ITGA5: variants seen among roughly 807,000 people sequenced by gnomAD.
ITGA5 encodes the protein integrin subunit alpha 5, also known as integrin alpha-5.
ITGA5 carries 55 observed loss-of-function variants against 146.3 expected under a neutral mutation model. The ratio of observed to expected loss-of-function variants is 0.38; its 90% CI spans 0.30 to 0.47. The LOEUF (loss-of-function observed/expected upper bound fraction) is 0.47. Ranked by LOEUF, ITGA5 falls within the 20% of genes least tolerant of loss-of-function variation. The probability of loss-of-function intolerance (pLI) is 0.99; values close to 1 mark genes in which losing one functional copy is unlikely to be tolerated. For missense variants in ITGA5, 1,131 were observed against 1,329.0 expected, an observed-to-expected ratio of 0.85 and a Z score of 2.32; for synonymous variants, 500 against 531.8, an observed-to-expected ratio of 0.94 and a Z score of 0.82.
rs1030261231 is a variant in ITGA5 at position 54,407,857 on chromosome 12, A to G, written c.837T>C (p.Gly279=). The G allele has an allele frequency of 8.2e-6, 13 of 1,590,626 alleles. No homozygotes were observed. The highest frequency in any genetic ancestry group is 1.1e-5 in the Non-Finnish European group (13 of 1,167,290). ...CTTCTGTGTCATCACCACTGAATTC[A>G]CCAACAGCCACAGAGTATCCTGGGG... ...DSYLGYSVAV[G]EFSGDDTEDF... The change falls in exon 8 of 30, where the codon GGT becomes GGC. Residue 279 remains glycine (G), a synonymous_variant. Coordinates refer to ENST00000293379, the MANE Select transcript of ITGA5 (RefSeq NM_002205.5).
chr12:54,418,281 G>A (rs1317185746), intron 1 of ITGA5, among the ~76,000 whole-genome samples: 2 of 151,372 alleles, frequency 1.3e-5, no homozygotes, highest in African/African-American at 4.9e-5. Flanking sequence ...CCAGCCCCAG[G>A]GCCCCAGTGC....
In ITGA5 at chr12:54,400,960, A is replaced by G. The variant is rs1955777793; in HGVS notation, c.2529T>C (p.Gly843=). The change falls in exon 25 of 30, where the codon GGT becomes GGC. Residue 843 remains glycine, a synonymous_variant. Coordinates refer to ENST00000293379, the MANE Select transcript of ITGA5 (RefSeq NM_002205.5). ...CCTGGGGACAGCTGAGTTCCAGCAC[A>G]CCCTGGCTAATGGAGCTGGGGCCTT... The part of the protein sequence containing the change: ...INQGPSSISQ[G]VLELSCPQAL... The G allele has an allele frequency of 6.2e-7, 1 of 1,613,806 alleles. No homozygotes were observed. The highest frequency in any genetic ancestry group is 8.5e-7 in the Non-Finnish European group (1 of 1,179,890).
At chr12:54,408,257 A>T in intron 6 of ITGA5, 22 bp from the exon 7 acceptor site, 1 of 1,612,764 alleles carries the variant, frequency 6.2e-7, no homozygotes, top group Non-Finnish European at 8.5e-7. Flanking sequence ...ATGAAGAGGG[A>T]GTAGATGGAG....
chr12:54,419,159 G>A lies in ITGA5; in HGVS notation c.40C>T (p.Gln14Ter). 1 of 1,584,748 alleles carries A rather than the reference G, an allele frequency of 6.3e-7. No individual in the cohort carries two copies. The highest frequency in any genetic ancestry group is 8.6e-7 in the Non-Finnish European group (1 of 1,166,864). ...CGGCGCCGGGGGCCCCAGCGCAGCT[G>A]CACGGCGTGGAGAGGGGACTCTGGC... The part of the protein sequence containing the change: ...RTPESPLHAV[Q>*]LRWGPRRRPP... The change falls in exon 1 of 30, where the codon CAG becomes TAG. Residue 14 changes from glutamine to a stop codon, truncating the protein, a stop_gained. Coordinates refer to ENST00000293379, the MANE Select transcript of ITGA5 (RefSeq NM_002205.5). LOFTEE classifies it high-confidence loss of function.
intron 19 of ITGA5, among the ~76,000 whole-genome samples, chr12:54,402,598 C>T (rs375108406): frequency 2.6e-5 from 4 of 151,754 alleles, no homozygotes; most frequent in East Asian, 3.9e-4. Flanking sequence ...CTACTTGGGA[C>T]GCTGAGGCAG....
At chr12:54,397,590 C>T (rs1291587019) in intron 28 of ITGA5, 103 bp from the exon 29 acceptor site, 2 of 1,393,030 alleles carry the variant, frequency 1.4e-6, no homozygotes, top group Non-Finnish European at 2.0e-6. Flanking sequence ...GTGGGCTCCC[C>T]TTTCTCTGGG....
rs1293630639 is a variant in ITGA5, at chr12:54,403,694, G to T, written c.1707C>A (p.Thr569=). The T allele has an allele frequency of 3.1e-6, 5 of 1,614,142 alleles. No individual in the cohort carries two copies. Among genetic ancestry groups the T allele is most frequent in the East Asian group, 2.2e-5 (1 of 44,884 alleles). The part of the protein sequence containing the change: ...RALFLASRQA[T]LTQTLLIQNG... Reference sequence around the variant, plus strand: ...TCTGGATGAGCAGGGTCTGGGTCAGGGTTGCCTGCCTGGAGGCCAGGAACA... The same window carrying T: ...TCTGGATGAGCAGGGTCTGGGTCAGTGTTGCCTGCCTGGAGGCCAGGAACA... The change falls in exon 17 of 30, where the codon ACC becomes ACA. Residue 569 remains threonine, a synonymous_variant. Transcript: ENST00000293379. This position sits in a 1 kb window ranked among gnomAD's most constrained non-coding sequence, Gnocchi z 4.9.
Position 54,419,259 on chromosome 12 carries a change from A to G in ITGA5, c.-61T>C, listed in dbSNP as rs1956049707. The G allele has an allele frequency of 1.3e-6, 2 of 1,519,768 alleles. No homozygotes were observed. Among genetic ancestry groups the G allele is most frequent in the Non-Finnish European group, 1.8e-6 (2 of 1,125,234 alleles). The allele number at this position is 1,519,768 out of a possible 1,614,324, so 94.1% of individuals were successfully genotyped here. On this transcript the variant is annotated 5_prime_UTR_variant, in exon 1 of 30. Coordinates refer to ENST00000293379, the MANE Select transcript of ITGA5 (RefSeq NM_002205.5). ...CGGAGCCGCTTCCTAAACCTCCCAG[A>G]GGCGAATGACTCAACGCGGGGAGGA... is the stretch of plus-strand genomic sequence containing the variant.
In ITGA5 at chr12:54,402,319, T is replaced by G. The variant is rs779007757; in HGVS notation, c.1994A>C (p.His665Pro). 1 of 1,613,362 alleles carries G rather than the reference T, an allele frequency of 6.2e-7. No individual in the cohort carries two copies. Among genetic ancestry groups the G allele is most frequent in the Admixed American group, 1.7e-5 (1 of 59,968 alleles). The change falls in exon 20 of 30, where the codon CAT becomes CCT. Residue 665 changes from histidine to proline, a missense_variant. Transcript: ENST00000293379. Reference protein sequence around the residue: ...LQLEVFGEQNHVYLGDKNALN... With the variant: ...LQLEVFGEQNPVYLGDKNALN... ...GGCATTCTTGTCACCCAGGTACACA[T>G]GGTTCTGCTCCCTGGAAGGGACACA...
Position 54,398,687 on chromosome 12 carries a change from C to T in ITGA5, c.2853G>A (p.Gln951=), listed in dbSNP as rs150955083. The T allele has an allele frequency of 6.2e-7, 1 of 1,602,096 alleles. No individual in the cohort carries two copies. Among genetic ancestry groups the T allele is most frequent in the African/African-American group, 1.3e-5 (1 of 74,164 alleles). The change falls in exon 28 of 30, where the codon CAG becomes CAA. Residue 951 remains glutamine (Q), a synonymous_variant. Coordinates refer to ENST00000293379, the MANE Select transcript of ITGA5 (RefSeq NM_002205.5). ...CAGCCTCACACTGCAGGCTAAATGG[C>T]TGGTGCTCCCGCTGTGGGTAGGGGA... is the stretch of plus-strand genomic sequence containing the variant. ...WAKTFLQREH[Q]PFSLQCEAVY... is the part of the protein sequence containing the mutation.
rs776290859 is a variant in ITGA5, at chr12:54,419,240, C to A, written c.-42G>T. ...TGTCCTGGGGCCACCGACCCGGAGC[C>A]GCTTCCTAAACCTCCCAGAGGCGAA... On this transcript the variant is annotated 5_prime_UTR_variant, in exon 1 of 30. Transcript: ENST00000293379. 5.2e-6 allele frequency: 8 copies of A among 1,545,190 alleles called. No homozygotes were observed. The highest frequency in any genetic ancestry group is 7.0e-6 in the Non-Finnish European group (8 of 1,145,564).
chr12:54,404,983 T>G, intron 12 of ITGA5, 89 bp from the exon 13 acceptor site: 1 of 1,260,376 alleles, frequency 7.9e-7, no homozygotes, highest in Non-Finnish European at 1.1e-6. Context: ...TAGGATCCTA[T>G]TTTTTCCCAT....
Position 54,399,657 on chromosome 12 carries a change from C to G in ITGA5, c.2829G>C (p.Lys943Asn), listed in dbSNP as rs922797052. ...SLQLHFRVWAKTFLQREHQPF... is the reference protein window; with the variant it reads ...SLQLHFRVWANTFLQREHQPF... The stretch of plus-strand genomic sequence containing the variant: ...AAGGCTCCCTCACCTGCAAGAAAGT[C>G]TTGGCCCAGACTCGGAAATGCAACT... Residue 943 changes from lysine to asparagine, a missense_variant, in exon 27 of 30, where the codon AAG becomes AAC. This residue lies in a region of ITGA5 where 889 missense variants were observed against 1,021.5 expected (regional missense o/e 0.87). Coordinates refer to ENST00000293379, the MANE Select transcript of ITGA5 (RefSeq NM_002205.5). The G allele has an allele frequency of 1.2e-6, 2 of 1,613,748 alleles. No homozygotes were observed. The highest frequency in any genetic ancestry group is 2.7e-5 in the African/African-American group (2 of 74,928).
chr12:54,404,837 A>T lies in ITGA5; in HGVS notation c.1283T>A (p.Phe428Tyr), dbSNP rs1955841233. The T allele has an allele frequency of 2.5e-6, 4 of 1,611,638 alleles. No homozygotes were observed. Among genetic ancestry groups the T allele is most frequent in the Non-Finnish European group, 3.4e-6 (4 of 1,179,152 alleles). Residue 428 changes from phenylalanine to tyrosine, a missense_variant, in exon 13 of 30, where the codon TTT becomes TAT. Coordinates refer to ENST00000293379, the MANE Select transcript of ITGA5 (RefSeq NM_002205.5). Reference sequence around the variant, plus strand: ...GCCCAGCCCTCCTGGGCCCCCAGGAAATACAAACACTACTCCCTGCTGGGT... The same window carrying T: ...GCCCAGCCCTCCTGGGCCCCCAGGATATACAAACACTACTCCCTGCTGGGT... ...GETQQGVVFV[F>Y]PGGPGGLGSK...
At chr12:54,396,397 G>A (rs1292941133) in intron 29 of ITGA5, 21 bp from the exon 30 acceptor site, 2 of 1,583,276 alleles carry the variant, frequency 1.3e-6, no homozygotes, top group Non-Finnish European at 1.7e-6. Flanking sequence ...GGAAAAGAGG[G>A]AGAGTTTAGG....
intron 9 of ITGA5, among the ~76,000 whole-genome samples, chr12:54,407,223 T>G (rs771243366): frequency 6.6e-6 from 1 of 152,260 alleles, no homozygotes; most frequent in Non-Finnish European, 1.5e-5. Context: ...TTATTCATCT[T>G]ATCTCTTACC....
rs772424925 is a variant in ITGA5 at position 54,403,215 on chromosome 12, T to C, written c.1886A>G (p.Tyr629Cys). The change falls in exon 18 of 30, where the codon TAT (tyrosine) becomes TGT (cysteine). Residue 629 changes from tyrosine (Y) to cysteine (C), a missense_variant. By Grantham distance (194) the Tyr-to-Cys change is radical (BLOSUM62 -2). Transcript: ENST00000293379. The surrounding 1 kb of genome is among the most constrained non-coding windows in gnomAD (Gnocchi z 4.9). ...GTCCTCTATCCGGCTCTTGCTCTGA[T>C]AATGTAGGGCTGGCCTGAGGCCGTG... ...DSHGLRPALHYQSKSRIEDKA... is the reference protein window; with the variant it reads ...DSHGLRPALHCQSKSRIEDKA... The C allele has an allele frequency of 1.9e-6, 3 of 1,562,946 alleles. No homozygotes were observed. The highest frequency in any genetic ancestry group is 2.3e-5 in the East Asian group (1 of 44,264).
At chr12:54,411,006 C>T (rs892891159) in intron 2 of ITGA5, among the ~76,000 whole-genome samples, 23 of 152,334 alleles carry the variant, frequency 1.5e-4, no homozygotes, top group African/African-American at 5.3e-4. Context: ...GGATTACAAG[C>T]ATGAGCCACC....
At position 54,403,304 on chromosome 12, in the gene ITGA5, G is replaced by A. The variant is rs529138964; in HGVS notation, c.1797C>T (p.Asp599=). Residue 599 remains aspartate (D), a synonymous_variant, in exon 18 of 30, where the codon GAC becomes GAT. Coordinates refer to ENST00000293379, the MANE Select transcript of ITGA5 (RefSeq NM_002205.5). This position sits in a 1 kb window ranked among gnomAD's most constrained non-coding sequence, Gnocchi z 4.9. The stretch of plus-strand genomic sequence containing the variant: ...GAGCGATGTGAATCGGCGAGAGTTT[G>A]TCTCGAAATTCTGACTCGTTCTGGG... ...IYLRNESEFR[D]KLSPIHIALN... 26 of 1,535,156 alleles carry A rather than the reference G, an allele frequency of 1.7e-5. No homozygotes were observed. In the South Asian group the frequency reaches 2.3e-4, roughly 14 times the overall value.
Sources: allele counts gnomAD v4.1 joint callset (sites outside exome capture counted in the v4.1 genomes callset), GRCh38; gene constraint gnomAD v4.1.1; regional missense constraint gnomAD v4.1.1; non-coding constraint Gnocchi (gnomAD v3.1); transcripts MANE v1.5; gene names NCBI Gene and HGNC (gene_info 2026-07-23, HGNC 2026-07-21).